TOGARAM2: variants seen among roughly 807,000 people sequenced by gnomAD.
TOGARAM2 encodes the protein TOG array regulator of axonemal microtubules 2.
In TOGARAM2, 85 loss-of-function variants were observed where a neutral mutation model predicts 93.3. The ratio of observed to expected loss-of-function variants is 0.91; its 90% CI spans 0.76 to 1.09. TOGARAM2 has a LOEUF of 1.09. Among genes scored for constraint, TOGARAM2 ranks in the 50% least tolerant of loss-of-function variants. The pLI is 0.00. For synonymous variants in TOGARAM2, 593 were observed against 552.8 expected, an observed-to-expected ratio of 1.07 and a Z score of -1.02; for missense variants, 1,277 against 1,334.5, an observed-to-expected ratio of 0.96 and a Z score of 0.67.
intron 1 of TOGARAM2, among the ~76,000 whole-genome samples, chr2:28,986,171 G>A (rs1014767167): frequency 1.4e-5 from 2 of 147,856 alleles, no homozygotes; most frequent in Non-Finnish European, 3.0e-5. Flanking sequence ...GGATGCCCTC[G>A]TGCAGTGCCC....
chr2:29,005,788 GT>G (rs1353525464), intron 6 of TOGARAM2, among the ~76,000 whole-genome samples: 2 of 150,360 alleles, frequency 1.3e-5, no homozygotes, highest in Non-Finnish European at 3.0e-5. Context: ...GTATCTGTGT[GT>G]GCATGTGTAT....
chr2:28,960,826 G>C (rs1346288812), intron 1 of TOGARAM2, among the ~76,000 whole-genome samples: 3 of 152,186 alleles, frequency 2.0e-5, no homozygotes, highest in Non-Finnish European at 4.4e-5. Context: ...ATGTGGCTGA[G>C]TGACAGAATT....
At chr2:28,973,364 C>CCT (rs1228656179) in intron 1 of TOGARAM2, among the ~76,000 whole-genome samples, 6 of 124,800 alleles carry the variant, frequency 4.8e-5, no homozygotes, top group East Asian at 4.2e-4. Context: ...TCCTTCTTTC[C>CCT]TCCTTCCTTC....
intron 1 of TOGARAM2, among the ~76,000 whole-genome samples, chr2:28,974,803 A>AT (rs912938713): frequency 2.0e-5 from 2 of 102,438 alleles, no homozygotes; most frequent in Admixed American, 1.2e-4. Flanking sequence ...TATTATTATT[A>AT]TTTTTTTAAT....
At chr2:28,964,984 T>C (rs565349976) in intron 1 of TOGARAM2, among the ~76,000 whole-genome samples, 2 of 152,344 alleles carry the variant, frequency 1.3e-5, no homozygotes, top group African/African-American at 4.8e-5. Flanking sequence ...GAATGATTTA[T>C]ATTCCTTTGG....
At chr2:28,981,235 C>T (rs545893608), upstream of TOGARAM2, 3 of 152,444 alleles carry the variant, frequency 2.0e-5, no homozygotes, top group South Asian at 6.2e-4. Context: ...AATCTCTCGG[C>T]TCGGTCTCTC....
intron 6 of TOGARAM2, among the ~76,000 whole-genome samples, chr2:29,007,652 C>T (rs74455385): frequency 0.036 from 5,512 of 152,086 alleles, 256 homozygotes; most frequent in East Asian, 0.16. Flanking sequence ...TCTTGCAGGC[C>T]CTTTGCCTGT....
intron 1 of TOGARAM2, among the ~76,000 whole-genome samples, chr2:28,970,377 G>T (rs1671930542): frequency 6.6e-6 from 1 of 152,088 alleles, no homozygotes; most frequent in South Asian, 2.1e-4. Flanking sequence ...CTATAAAGTG[G>T]GGATAATAAG....
chr2:29,047,018 T>G (rs1666785223), intron 19 of TOGARAM2: 1 of 152,654 alleles, frequency 6.6e-6, no homozygotes, highest in Admixed American at 6.5e-5. Flanking sequence ...AGCCCAGCTG[T>G]GAGCATCCAG....
chr2:28,972,600 CCA>C (rs1287824807), intron 1 of TOGARAM2: 31 of 152,182 alleles, frequency 2.0e-4, no homozygotes, highest in Admixed American at 1.2e-3. Context: ...GTATTTCTTT[CCA>C]CAGTCTTCAT....
At chr2:29,026,669 CCT>C (rs1375625110) in intron 13 of TOGARAM2, among the ~76,000 whole-genome samples, 182 bp from the exon 14 acceptor site, 2 of 152,174 alleles carry the variant, frequency 1.3e-5, no homozygotes, top group African/African-American at 4.8e-5. Context: ...TTGCTGTCAC[CCT>C]GTTCGTAGAA....
intron 1 of TOGARAM2, among the ~76,000 whole-genome samples, chr2:28,964,991 T>C (rs1671848955): frequency 6.6e-6 from 1 of 152,228 alleles, no homozygotes; most frequent in Admixed American, 6.5e-5. Flanking sequence ...TTATATTCCT[T>C]TGGGTATATA....
At chr2:28,986,643 G>A (rs997404913) in intron 1 of TOGARAM2, among the ~76,000 whole-genome samples, 1 of 152,188 alleles carries the variant, frequency 6.6e-6, no homozygotes. Context: ...TCAGGAAATG[G>A]AAGGACCTCC....
intron 15 of TOGARAM2, 75 bp from the exon 16 acceptor site, chr2:29,033,394 G>T: frequency 7.6e-7 from 1 of 1,320,232 alleles, no homozygotes; most frequent in Admixed American, 2.0e-5. Flanking sequence ...CCATTGTTAT[G>T]TCTCCACTGG....
rs779972641 is a variant in TOGARAM2, at chr2:29,005,188, A to AGT, written c.830+1516_830+1517dup. ...TGCATGTGTAAGGGCATATGTGTGC[A>AGT]GTGTGTGTGTGCATGTGTGTGGGTA... On this transcript the variant is annotated intron_variant, in intron 6 of 19. Transcript: ENST00000379558. Among the ~76,000 whole-genome samples, 695 of 106,080 alleles carry AGT rather than the reference A, an allele frequency of 6.6e-3. 25 individuals are homozygous for AGT. The highest frequency in any genetic ancestry group is 0.022 in the African/African-American group (634 of 29,014). The allele number at this position is 106,080 out of a possible 152,430, so 69.6% of individuals were successfully genotyped here.
At chr2:28,996,247 T>C (rs578254693) in intron 2 of TOGARAM2, among the ~76,000 whole-genome samples, 1 of 152,364 alleles carries the variant, frequency 6.6e-6, no homozygotes, top group East Asian at 1.9e-4. Flanking sequence ...CATTTCTTGA[T>C]GTTGGGAACA....
At chr2:28,963,439 G>A (rs890152123) in intron 1 of TOGARAM2, among the ~76,000 whole-genome samples, 3 of 152,166 alleles carry the variant, frequency 2.0e-5, no homozygotes, top group South Asian at 2.1e-4. Context: ...CAGTGGTGCC[G>A]TCAGAGTTCA....
Position 29,035,453 on chromosome 2 carries a change from T to A in TOGARAM2, c.2226-11T>A. The stretch of plus-strand genomic sequence containing the variant: ...TCCCTGGGGGGTTCAGACGCCACGC[T>A]CCTTACCTAGGCTCAGCTGCAATGG... On this transcript the variant is annotated splice_polypyrimidine_tract_variant and intron_variant, in intron 16 of 19. Coordinates refer to ENST00000379558, the MANE Select transcript of TOGARAM2 (RefSeq NM_199280.4). 7.3e-7 allele frequency: 1 copy of A among 1,366,570 alleles called. No individual in the cohort carries two copies. Among genetic ancestry groups the A allele is most frequent in the Non-Finnish European group, 9.5e-7 (1 of 1,047,952 alleles). 84.7% of individuals were successfully genotyped at this position (1,366,570 alleles called of 1,614,324 possible). A position where few individuals can be genotyped will look rare whatever the true frequency, so the allele number is the denominator to read the frequency against.
At chr2:29,038,159 G>C (rs72859156) in intron 18 of TOGARAM2, among the ~76,000 whole-genome samples, 4,566 of 152,224 alleles carry the variant, frequency 0.03, 233 homozygotes, top group African/African-American at 0.1. Flanking sequence ...GGGCATCCTG[G>C]AAAGGAGAGC....
Sources: allele counts gnomAD v4.1 joint callset (sites outside exome capture counted in the v4.1 genomes callset), GRCh38; gene constraint gnomAD v4.1.1; transcripts MANE v1.5; gene names NCBI Gene and HGNC (gene_info 2026-07-23, HGNC 2026-07-21).